The following PTPRE variants were observed in gnomAD, a reference collection of about 807,000 sequenced individuals.
PTPRE encodes the protein protein tyrosine phosphatase receptor type E, also known as receptor-type tyrosine-protein phosphatase epsilon.
Under a neutral mutation model 102.0 loss-of-function variants are expected in PTPRE, and 51 were observed. The observed-to-expected ratio is 0.50, with a 90% CI of 0.40 to 0.63. The LOEUF (loss-of-function observed/expected upper bound fraction) is 0.63. Among genes scored for constraint, PTPRE ranks in the 30% least tolerant of loss-of-function variants. The probability of loss-of-function intolerance (pLI) is 0.00; values close to 1 mark genes in which losing one functional copy is unlikely to be tolerated. For synonymous variants in PTPRE, 345 were observed against 348.2 expected (o/e 0.99, Z 0.10); for missense variants, 752 against 915.1 (o/e 0.82, Z 2.30).
chr10:127,934,961 C>T (rs767425628), intron 1 of PTPRE: 2 of 152,322 alleles, frequency 1.3e-5, no homozygotes, highest in African/African-American at 4.8e-5. Context: ...TTGGGGCCCC[C>T]GCTATGAGCA....
rs183825938 is a variant in PTPRE, at chr10:128,035,000, T to C, written c.-7-5875T>C. On this transcript the variant is annotated intron_variant, in intron 2 of 20. Coordinates refer to ENST00000254667, the MANE Select transcript of PTPRE (RefSeq NM_006504.6). ...TTATTTTTATTTGTTGTTGTTGTTGTTGACACAAGGTCTGGCTCTGTTGTC... is the reference window on the plus strand; with the variant it reads ...TTATTTTTATTTGTTGTTGTTGTTGCTGACACAAGGTCTGGCTCTGTTGTC... 9.5e-4 allele frequency among the ~76,000 whole-genome samples: 144 copies of C among 152,326 alleles called. 2 individuals carry two copies. Among genetic ancestry groups the C allele is most frequent in the Non-Finnish European group, 4.4e-4 (30 of 68,036 alleles).
chr10:127,947,023 A>G (rs894231151), intron 1 of PTPRE, among the ~76,000 whole-genome samples: 7 of 150,624 alleles, frequency 4.6e-5, no homozygotes, highest in Non-Finnish European at 1.0e-4. Context: ...CCTGTCTCAA[A>G]AAAAAAAAAA....
chr10:127,916,088 G>A, intron 1 of PTPRE, among the ~76,000 whole-genome samples: 1 of 152,036 alleles, frequency 6.6e-6, no homozygotes, highest in East Asian at 1.9e-4. Context: ...AGTGTTAAAT[G>A]TGATGCTGGA....
At chr10:127,976,130 T>C (rs1044859511) in intron 1 of PTPRE, among the ~76,000 whole-genome samples, 1 of 152,080 alleles carries the variant, frequency 6.6e-6, no homozygotes, top group East Asian at 1.9e-4. Context: ...AAGCTACTCA[T>C]AGGGCAAAGA....
chr10:128,040,864 C>T lies in PTPRE; in HGVS notation c.-7-11C>T, dbSNP rs1463044126. On this transcript the variant is annotated splice_polypyrimidine_tract_variant and intron_variant, in intron 2 of 20. Transcript: ENST00000254667. ...TGGATGACCTCTGAGCCTGTCCCTGCCTCTCTGCAGGTCCACCATGGAGCC... is the reference window on the plus strand; with the variant it reads ...TGGATGACCTCTGAGCCTGTCCCTGTCTCTCTGCAGGTCCACCATGGAGCC... 1.9e-6 allele frequency: 3 copies of T among 1,610,966 alleles called. No homozygotes were observed. The highest frequency in any genetic ancestry group is 1.7e-5 in the Admixed American group (1 of 59,976).
intron 1 of PTPRE, among the ~76,000 whole-genome samples, chr10:127,936,434 A>G (rs1847848966): frequency 6.6e-6 from 1 of 152,180 alleles, no homozygotes; most frequent in Non-Finnish European, 1.5e-5. Context: ...GTATTAATTA[A>G]TAGTGTGTAT....
chr10:127,947,751 A>G (rs1848728309), intron 1 of PTPRE, among the ~76,000 whole-genome samples: 1 of 152,182 alleles, frequency 6.6e-6, no homozygotes, highest in South Asian at 2.1e-4. Context: ...ACTGGAGCAC[A>G]TGAGCTCAAG....
intron 2 of PTPRE, among the ~76,000 whole-genome samples, chr10:128,011,247 G>A (rs2135614083): frequency 6.6e-6 from 1 of 152,312 alleles, no homozygotes; most frequent in Non-Finnish European, 1.5e-5. Context: ...GTGTGAGGAT[G>A]ACTTTTGGGA....
At chr10:128,010,955 G>A (rs989479384) in intron 2 of PTPRE, among the ~76,000 whole-genome samples, 11 of 152,140 alleles carry the variant, frequency 7.2e-5, no homozygotes, top group African/African-American at 2.7e-4. Flanking sequence ...CAGAAGGTTC[G>A]TGTCCCAGGA....
At chr10:128,047,510 T>C (rs1848193336) in intron 4 of PTPRE, 21 bp downstream of exon 4, 9 of 1,613,076 alleles carry the variant, frequency 5.6e-6, no homozygotes, top group South Asian at 1.1e-5. Flanking sequence ...CCCGGGGCAC[T>C]GACTTGCCCC....
chr10:127,999,715 G>A, intron 2 of PTPRE: 2 of 984,384 alleles, frequency 2.0e-6, no homozygotes, highest in Non-Finnish European at 2.4e-6. Flanking sequence ...CTCGAGATGA[G>A]CGGTCTCTCC....
chr10:127,962,114 GTTC>G lies in PTPRE; in HGVS notation c.-30-20151_-30-20149del, dbSNP rs919306310. Among the ~76,000 whole-genome samples, 61 of 152,298 alleles carry G rather than the reference GTTC, an allele frequency of 4.0e-4. 1 individual carries two copies. Among genetic ancestry groups the G allele is most frequent in the Admixed American group, 3.7e-3 (57 of 15,304 alleles). On this transcript the variant is annotated intron_variant, in intron 1 of 20. Coordinates refer to ENST00000254667, the MANE Select transcript of PTPRE (RefSeq NM_006504.6). ...CAAAGGGAAGCACAGTAAGTATTCT[GTTC>G]TTCTTCTTTGCCAGGGCCCAGAGGT...
At chr10:128,062,331 G>C (rs1480094029) in intron 9 of PTPRE, among the ~76,000 whole-genome samples, 1 of 152,184 alleles carries the variant, frequency 6.6e-6, no homozygotes, top group Non-Finnish European at 1.5e-5. Flanking sequence ...TACAAATGCA[G>C]AATCTCTAAG....
At chr10:127,981,924 C>T (rs1300159036) in intron 1 of PTPRE, among the ~76,000 whole-genome samples, 1 of 152,120 alleles carries the variant, frequency 6.6e-6, no homozygotes, top group Non-Finnish European at 1.5e-5. Context: ...TTGTAAAAGG[C>T]TCTTCTGGGG....
chr10:127,989,526 T>C (rs1188122102), intron 2 of PTPRE, among the ~76,000 whole-genome samples: 1 of 152,104 alleles, frequency 6.6e-6, no homozygotes, highest in Non-Finnish European at 1.5e-5. Flanking sequence ...GCTGGATAAG[T>C]GAGTTGTAGG....
intron 1 of PTPRE, among the ~76,000 whole-genome samples, chr10:127,939,997 C>T (rs1403616202): frequency 6.6e-6 from 1 of 150,482 alleles, no homozygotes; most frequent in Non-Finnish European, 1.5e-5. Context: ...CAGGAATAGA[C>T]AGGAAGAGGC....
chr10:127,948,966 T>C (rs1332790717), intron 1 of PTPRE, among the ~76,000 whole-genome samples: 8 of 152,242 alleles, frequency 5.3e-5, no homozygotes, highest in Non-Finnish European at 1.0e-4. Context: ...AAGGTGACTG[T>C]GTCGATCTGT....
intron 1 of PTPRE, among the ~76,000 whole-genome samples, chr10:127,945,388 A>G (rs575488975): frequency 6.6e-6 from 1 of 152,316 alleles, no homozygotes; most frequent in African/African-American, 2.4e-5. Flanking sequence ...GCCCAAGGCA[A>G]CATGCCAGCC....
At chr10:128,080,389 C>G (rs114804253) in intron 20 of PTPRE, among the ~76,000 whole-genome samples, 2 of 152,204 alleles carry the variant, frequency 1.3e-5, no homozygotes, top group African/African-American at 4.8e-5. Context: ...TCCTGGCTCA[C>G]GCAGCGCCCT....
Sources: gnomAD v4.1 joint callset for allele counts (sites outside exome capture counted in the v4.1 genomes callset) on GRCh38, gnomAD v4.1.1 for gene constraint, MANE v1.5 for transcripts, NCBI Gene and HGNC (gene_info 2026-07-23, HGNC 2026-07-21) for gene names.